BLTP1: variants seen among roughly 807,000 people sequenced by gnomAD.
BLTP1 encodes the protein bridge-like lipid transfer protein family member 1.
chr4:122,273,350 CCA>C, the BLTP1 span: 1 of 984,494 alleles, frequency 1.0e-6, no homozygotes, highest in Non-Finnish European at 1.2e-6. Flanking sequence ...ACATGGTGAA[CCA>C]CACACACGGT....
the BLTP1 span, chr4:122,197,284 A>G: frequency 6.9e-7 from 1 of 1,452,524 alleles, no homozygotes; most frequent in Non-Finnish European, 9.2e-7. Context: ...GGTAAGCTGC[A>G]ACTGTTACTT....
chr4:122,290,808 A>AAT, the BLTP1 span: 11 of 97,078 alleles, frequency 1.1e-4, no homozygotes, highest in African/African-American at 2.0e-4. Flanking sequence ...AAAAAAAAAA[A>AAT]ATATACACAC....
the BLTP1 span, chr4:122,271,123 G>A: frequency 6.2e-7 from 1 of 1,613,882 alleles, no homozygotes; most frequent in Non-Finnish European, 8.5e-7. Context: ...GCACCCCTCA[G>A]AACTCTACCA....
the BLTP1 span, chr4:122,339,420 G>A: frequency 1.9e-6 from 3 of 1,598,846 alleles, no homozygotes; most frequent in Non-Finnish European, 2.6e-6. Context: ...TATAGATAAT[G>A]TTCTTTTATT....
the BLTP1 span, chr4:122,328,123 T>C: frequency 6.2e-7 from 1 of 1,604,838 alleles, no homozygotes; most frequent in Admixed American, 1.7e-5. Flanking sequence ...GAGACAGAAC[T>C]GGACCTTTTG....
the BLTP1 span, among the ~76,000 whole-genome samples, chr4:122,317,720 A>G: frequency 6.6e-6 from 1 of 151,966 alleles, no homozygotes; most frequent in East Asian, 1.9e-4. Context: ...ACTTGTCTGT[A>G]AGTTATCATG....
the BLTP1 span, among the ~76,000 whole-genome samples, chr4:122,259,514 G>A: frequency 2.6e-3 from 394 of 152,202 alleles, 2 homozygotes; most frequent in African/African-American, 9.1e-3. Context: ...TATTGTTGTT[G>A]GTGGTTCTTT....
the BLTP1 span, chr4:122,201,187 A>G: frequency 7.5e-6 from 10 of 1,341,036 alleles, no homozygotes; most frequent in African/African-American, 1.5e-5. Context: ...TTTACATTTG[A>G]TAAGTTTTAC....
the BLTP1 span, chr4:122,306,504 G>C: frequency 1.1e-6 from 1 of 945,248 alleles, no homozygotes; most frequent in Non-Finnish European, 1.3e-6. Flanking sequence ...TCTTGGTTCT[G>C]AGGAATTCTC....
At chr4:122,207,810 T>A in the BLTP1 span, 1 of 836,142 alleles carries the variant, frequency 1.2e-6, no homozygotes, top group Non-Finnish European at 1.4e-6. Flanking sequence ...TTTCTTTTTG[T>A]AGTTAACTGC....
chr4:122,252,686 C>T, the BLTP1 span, among the ~76,000 whole-genome samples: 1 of 152,336 alleles, frequency 6.6e-6, no homozygotes, highest in African/African-American at 2.4e-5. Flanking sequence ...GTTGTTGGCT[C>T]CTGGATAGCA....
the BLTP1 span, chr4:122,351,250 A>C: frequency 1.4e-5 from 13 of 914,682 alleles, no homozygotes; most frequent in East Asian, 1.5e-3. Flanking sequence ...ACATTGAAAA[A>C]AACTAGAAAA....
the BLTP1 span, among the ~76,000 whole-genome samples, chr4:122,324,902 T>C: frequency 4.3e-4 from 65 of 152,056 alleles, no homozygotes; most frequent in African/African-American, 8.7e-4. Flanking sequence ...TTTGTCAGTT[T>C]AGAAAAGGTA....
At chr4:122,165,833 G>C in the BLTP1 span, among the ~76,000 whole-genome samples, 1 of 148,368 alleles carries the variant, frequency 6.7e-6, no homozygotes, top group Admixed American at 6.9e-5. Context: ...GTGATGATGA[G>C]CATTTTTTCA....
chr4:122,328,059 A>T, the BLTP1 span: 2 of 1,370,264 alleles, frequency 1.5e-6, no homozygotes, highest in Non-Finnish European at 1.9e-6. Context: ...TTCTTTTTTT[A>T]ATTGAAATAT....
At chr4:122,282,364 G>C in the BLTP1 span, among the ~76,000 whole-genome samples, 2 of 152,100 alleles carry the variant, frequency 1.3e-5, no homozygotes, top group Non-Finnish European at 2.9e-5. Flanking sequence ...TTCTTTGGCC[G>C]GGCGCAGTGG....
chr4:122,175,638 G>A, the BLTP1 span, among the ~76,000 whole-genome samples: 1 of 152,072 alleles, frequency 6.6e-6, no homozygotes, highest in Non-Finnish European at 1.5e-5. Context: ...CTTTAGCTAT[G>A]CAAAGTCTCT....
chr4:122,196,766 T>C, the BLTP1 span: 9 of 1,593,504 alleles, frequency 5.6e-6, no homozygotes, highest in Non-Finnish European at 7.7e-6. Context: ...GATGCTACAA[T>C]TGATTTGCTG....
At chr4:122,218,695 G>A in the BLTP1 span, among the ~76,000 whole-genome samples, 13 of 152,038 alleles carry the variant, frequency 8.6e-5, no homozygotes, top group Non-Finnish European at 1.3e-4. Flanking sequence ...GAATCAATGG[G>A]AAAAAATAAA....
Sources: allele counts gnomAD v4.1 joint callset (sites outside exome capture counted in the v4.1 genomes callset), GRCh38; gene constraint gnomAD v4.1.1; transcripts MANE v1.5; gene names NCBI Gene and HGNC (gene_info 2026-07-23, HGNC 2026-07-21).